Variants in MIPOL1 observed in about 807,000 individuals in gnomAD.
MIPOL1 encodes the protein mirror-image polydactyly 1.
In MIPOL1, 57 loss-of-function variants were observed where a neutral mutation model predicts 60.9. The ratio of observed to expected loss-of-function variants is 0.94; its 90% CI spans 0.76 to 1.17. MIPOL1 has a LOEUF of 1.17. Among genes scored for constraint, MIPOL1 ranks in the 50% most tolerant of loss-of-function variants. MIPOL1 has a pLI of 0.00. For missense variants in MIPOL1, 551 were observed against 511.6 expected, an observed-to-expected ratio of 1.08 and a Z score of -0.74; for synonymous variants, 179 against 168.8, an observed-to-expected ratio of 1.06 and a Z score of -0.47.
chr14:37,532,161 A>G (rs1267736495), intron 12 of MIPOL1, among the ~76,000 whole-genome samples: 1 of 152,212 alleles, frequency 6.6e-6, no homozygotes, highest in Non-Finnish European at 1.5e-5. Context: ...ATAAATTGTT[A>G]ACAGTACAAA....
At chr14:37,246,912 A>G (rs1973281545) in intron 1 of MIPOL1, among the ~76,000 whole-genome samples, 191 bp from the exon 2 acceptor site, 1 of 152,070 alleles carries the variant, frequency 6.6e-6, no homozygotes, top group African/African-American at 2.4e-5. Context: ...TACTAAGCAC[A>G]TTAAGGCCTG....
chr14:37,319,632 T>G (rs1340239588), intron 9 of MIPOL1, among the ~76,000 whole-genome samples: 1 of 152,146 alleles, frequency 6.6e-6, no homozygotes, highest in Non-Finnish European at 1.5e-5. Flanking sequence ...AGGAATAGAT[T>G]TGAAAGCTAT....
At chr14:37,269,312 C>A (rs60287404) in intron 5 of MIPOL1, among the ~76,000 whole-genome samples, 5,987 of 152,052 alleles carry the variant, frequency 0.039, 276 homozygotes, top group African/African-American at 0.11. Flanking sequence ...ATCTTCTGTT[C>A]TGACTCTTAT....
At chr14:37,350,281 G>A (rs143420048) in intron 9 of MIPOL1, among the ~76,000 whole-genome samples, 5 of 152,042 alleles carry the variant, frequency 3.3e-5, no homozygotes, top group South Asian at 4.1e-4. Flanking sequence ...GTCTTGGAAG[G>A]TTCCCTGGTT....
In MIPOL1 at chr14:37,280,284, AGT is replaced by A. The variant is rs575816797; in HGVS notation, c.494-5031_494-5030del. Among the ~76,000 whole-genome samples, 41 of 152,186 alleles carry A rather than the reference AGT, an allele frequency of 2.7e-4. No homozygotes were observed. The South Asian group carries it at 8.1e-3, about 30-fold the overall frequency. On this transcript the variant is annotated intron_variant, in intron 6 of 12. Coordinates refer to ENST00000684589, the MANE Select transcript of MIPOL1 (RefSeq NM_001388067.1). The stretch of plus-strand genomic sequence containing the variant: ...TGAGTAATGCTGCAGTGAACATGGG[AGT>A]GTAGGCATCTCTTTAACATACTTCT...
At chr14:37,277,641 T>C (rs2083778739) in intron 6 of MIPOL1, 1 of 151,374 alleles carries the variant, frequency 6.6e-6, no homozygotes, top group Non-Finnish European at 1.5e-5. Context: ...CAAATTAATT[T>C]TGAACACTTC....
chr14:37,296,004 C>T (rs1433349815), intron 7 of MIPOL1, among the ~76,000 whole-genome samples: 1 of 152,116 alleles, frequency 6.6e-6, no homozygotes, highest in African/African-American at 2.4e-5. Context: ...AATATACATT[C>T]TTCTCAGCAC....
chr14:37,494,098 A>G (rs1303092502), intron 11 of MIPOL1, among the ~76,000 whole-genome samples: 1 of 152,304 alleles, frequency 6.6e-6, no homozygotes, highest in African/African-American at 2.4e-5. Context: ...GTGGTTACAG[A>G]TTTATAAATG....
intron 12 of MIPOL1, among the ~76,000 whole-genome samples, chr14:37,512,317 C>T (rs977247500): frequency 4.6e-5 from 7 of 152,024 alleles, no homozygotes; most frequent in Non-Finnish European, 8.8e-5. Context: ...TTCGAAGTGT[C>T]AAGGGAGTCA....
rs753974576 is a variant in MIPOL1, at chr14:37,266,993, G to A, written c.75G>A (p.Gln25=). ...CTACGGGGATAAATAAAAGTACGCA[G>A]CCAGATGAGCAACTGACTATGAATT... is the stretch of plus-strand genomic sequence containing the variant. ...QETTGINKST[Q]PDEQLTMNSE... The change falls in exon 4 of 13, where the codon CAG becomes CAA. Residue 25 remains glutamine, a synonymous_variant. Transcript: ENST00000684589. The A allele has an allele frequency of 6.2e-7, 1 of 1,613,774 alleles. No homozygotes were observed. The highest frequency in any genetic ancestry group is 1.1e-5 in the South Asian group (1 of 91,072).
chr14:37,495,938 G>A (rs1309272216), intron 11 of MIPOL1, among the ~76,000 whole-genome samples: 1 of 146,172 alleles, frequency 6.8e-6, no homozygotes, highest in Middle Eastern at 3.4e-3. Context: ...TTTGAGAAGT[G>A]TCTGTTCATG....
chr14:37,364,648 A>G (rs2092409113), intron 9 of MIPOL1, among the ~76,000 whole-genome samples: 1 of 152,178 alleles, frequency 6.6e-6, no homozygotes, highest in South Asian at 2.1e-4. Flanking sequence ...ATTTAAAGTG[A>G]AGTAAAGAGA....
chr14:37,343,358 T>TA (rs1379438773), intron 9 of MIPOL1, among the ~76,000 whole-genome samples: 1 of 152,168 alleles, frequency 6.6e-6, no homozygotes, highest in Non-Finnish European at 1.5e-5. Flanking sequence ...TTTCTACATC[T>TA]AAAATGGAGT....
At chr14:37,528,800 T>C (rs1320947949) in intron 12 of MIPOL1, among the ~76,000 whole-genome samples, 1 of 152,154 alleles carries the variant, frequency 6.6e-6, no homozygotes, top group African/African-American at 2.4e-5. Context: ...TAGAAAAGAA[T>C]GATGTGAAGC....
At chr14:37,334,095 A>G (rs2089936859) in intron 9 of MIPOL1, among the ~76,000 whole-genome samples, 1 of 152,064 alleles carries the variant, frequency 6.6e-6, no homozygotes, top group Admixed American at 6.6e-5. Flanking sequence ...TGTAAAGTAG[A>G]AAGGGAAATT....
intron 12 of MIPOL1, chr14:37,501,629 C>T (rs2095216715): frequency 6.6e-6 from 1 of 152,030 alleles, no homozygotes; most frequent in Non-Finnish European, 1.5e-5. Context: ...TACTGAATGG[C>T]CAAGATAACC....
chr14:37,539,194 T>G (rs796317825), intron 12 of MIPOL1, among the ~76,000 whole-genome samples: 12 of 151,906 alleles, frequency 7.9e-5, no homozygotes, highest in African/African-American at 2.9e-4. Context: ...AGAGGGAGAC[T>G]CCGTCTCAAA....
chr14:37,367,733 A>G (rs2092519553), intron 9 of MIPOL1, among the ~76,000 whole-genome samples: 1 of 152,052 alleles, frequency 6.6e-6, no homozygotes, highest in Admixed American at 6.6e-5. Context: ...TAGTTATTAC[A>G]TTTTAATCTT....
intron 1 of MIPOL1, among the ~76,000 whole-genome samples, chr14:37,230,830 G>A (rs1970509864): frequency 6.6e-6 from 1 of 152,074 alleles, no homozygotes; most frequent in Non-Finnish European, 1.5e-5. Context: ...GGCAAACAAG[G>A]GAATGCAGCC....
Sources: allele counts gnomAD v4.1 joint callset (sites outside exome capture counted in the v4.1 genomes callset), GRCh38; gene constraint gnomAD v4.1.1; transcripts MANE v1.5; gene names NCBI Gene and HGNC (gene_info 2026-07-23, HGNC 2026-07-21).